The following RAB3C variants were observed in gnomAD, a reference collection of about 807,000 sequenced individuals.
The protein encoded by RAB3C is RAB3C, member RAS oncogene family.
Under a neutral mutation model 26.4 loss-of-function variants are expected in RAB3C, and 17 were observed. The observed-to-expected ratio is 0.64, with a 90% CI of 0.44 to 0.97. The LOEUF (loss-of-function observed/expected upper bound fraction) is 0.97. RAB3C is among the 50% of genes least tolerant of loss of function. The probability of loss-of-function intolerance (pLI) is 0.00; values close to 1 mark genes in which losing one functional copy is unlikely to be tolerated. For synonymous variants in RAB3C, 91 were observed against 95.9 expected (o/e 0.95, Z 0.30); for missense variants, 242 against 281.9 (o/e 0.86, Z 1.01).
At chr5:58,666,369 C>G (rs1336329878) in intron 2 of RAB3C, among the ~76,000 whole-genome samples, 1 of 152,114 alleles carries the variant, frequency 6.6e-6, no homozygotes, top group Non-Finnish European at 1.5e-5. Context: ...GAGTGGATAG[C>G]TTGAAGTGTT....
chr5:58,641,689 A>G (rs1747415766), intron 2 of RAB3C, among the ~76,000 whole-genome samples: 1 of 152,162 alleles, frequency 6.6e-6, no homozygotes, highest in Admixed American at 6.5e-5. Context: ...TCTGTTCCTC[A>G]GGGCTGCAGG....
chr5:58,659,194 A>T (rs1041791528), intron 2 of RAB3C, among the ~76,000 whole-genome samples: 8 of 152,270 alleles, frequency 5.3e-5, no homozygotes, highest in Non-Finnish European at 7.3e-5. Context: ...ACATATGCCC[A>T]TGCATGTGCA....
chr5:58,721,230 C>T lies in RAB3C; in HGVS notation c.253-4772C>T, dbSNP rs150717205. On this transcript the variant is annotated intron_variant, in intron 2 of 4. Coordinates refer to ENST00000282878, the MANE Select transcript of RAB3C (RefSeq NM_138453.4). ...TAGGAAATCAAAATATTTAAGCTAA[C>T]TGAAATAATTTTTTTTTCAAAAAAA... Among the ~76,000 whole-genome samples the T allele has an allele frequency of 3.2e-3, 428 of 133,256 alleles. 2 individuals carry two copies. The highest frequency in any genetic ancestry group is 0.011 in the African/African-American group (384 of 33,656). 87.4% of individuals were successfully genotyped at this position (133,256 alleles called of 152,430 possible). A position where few individuals can be genotyped will look rare whatever the true frequency, so the allele number is the denominator to read the frequency against.
intron 3 of RAB3C, among the ~76,000 whole-genome samples, chr5:58,806,052 T>C (rs955772325): frequency 6.6e-6 from 1 of 152,048 alleles, no homozygotes; most frequent in African/African-American, 2.4e-5. Flanking sequence ...GTGGAAAAAA[T>C]ATGTAAAAGA....
At chr5:58,827,976 C>A (rs552604884) in intron 4 of RAB3C, among the ~76,000 whole-genome samples, 2 of 152,274 alleles carry the variant, frequency 1.3e-5, no homozygotes, top group South Asian at 2.1e-4. Context: ...CACATCTTGG[C>A]AGATGGCTCG....
chr5:58,655,526 C>G (rs2111795134), intron 2 of RAB3C, among the ~76,000 whole-genome samples: 1 of 152,198 alleles, frequency 6.6e-6, no homozygotes, highest in African/African-American at 2.4e-5. Flanking sequence ...GTTAAGGGAA[C>G]TAAGAACTAG....
At chr5:58,695,573 T>C (rs1317251375) in intron 2 of RAB3C, among the ~76,000 whole-genome samples, 1 of 152,208 alleles carries the variant, frequency 6.6e-6, no homozygotes, top group Non-Finnish European at 1.5e-5. Flanking sequence ...TATTCTTCCA[T>C]TTGTTTGTGT....
chr5:58,695,893 T>C (rs1561292239), intron 2 of RAB3C, among the ~76,000 whole-genome samples: 1 of 152,230 alleles, frequency 6.6e-6, no homozygotes, highest in Non-Finnish European at 1.5e-5. Flanking sequence ...CTTCCTCATT[T>C]CCTAATTGAA....
rs899520384 is a variant in RAB3C, at chr5:58,853,153, T to C, written c.*1802T>C. 7 of 152,176 alleles carry C rather than the reference T, an allele frequency of 4.6e-5. No individual in the cohort carries two copies. The highest frequency in any genetic ancestry group is 4.6e-4 in the Admixed American group (7 of 15,284). The allele number at this position is 152,176 out of a possible 1,614,324, so 9.4% of individuals were successfully genotyped here. On this transcript the variant is annotated 3_prime_UTR_variant, in exon 5 of 5. Transcript: ENST00000282878. ...CATAGTAAAGACAAGAAAACATTAATGTTTTATTAGTTTTTAATGGGGCAA... is the reference window on the plus strand; with the variant it reads ...CATAGTAAAGACAAGAAAACATTAACGTTTTATTAGTTTTTAATGGGGCAA...
chr5:58,673,447 TACACACACACACACACAC>T (rs71604758), intron 2 of RAB3C, among the ~76,000 whole-genome samples: 2 of 145,934 alleles, frequency 1.4e-5, no homozygotes, highest in African/African-American at 2.5e-5. Flanking sequence ...GAACTAGTTA[TACACACACACACACACAC>T]ACACACACAC....
chr5:58,632,640 A>T (rs1579827820), intron 2 of RAB3C, among the ~76,000 whole-genome samples: 2 of 152,362 alleles, frequency 1.3e-5, no homozygotes, highest in East Asian at 3.9e-4. Flanking sequence ...CAAATATGGC[A>T]GCAGGCTGTA....
intron 3 of RAB3C, among the ~76,000 whole-genome samples, chr5:58,770,539 T>TA (rs1418879782): frequency 1.3e-5 from 2 of 152,188 alleles, no homozygotes; most frequent in African/African-American, 4.8e-5. Context: ...TAGTTTGGTC[T>TA]AATTTTTCCC....
At chr5:58,705,672 G>T (rs1406473557) in intron 2 of RAB3C, among the ~76,000 whole-genome samples, 1 of 151,982 alleles carries the variant, frequency 6.6e-6, no homozygotes, top group African/African-American at 2.4e-5. Context: ...TTTTTTTATT[G>T]AAAGGACTCC....
At chr5:58,727,978 G>T (rs564827127) in intron 3 of RAB3C, among the ~76,000 whole-genome samples, 5 of 151,878 alleles carry the variant, frequency 3.3e-5, no homozygotes, top group Non-Finnish European at 7.4e-5. Flanking sequence ...CTGAAGCCCA[G>T]CTTAAACTTT....
intron 2 of RAB3C, among the ~76,000 whole-genome samples, chr5:58,704,578 C>T (rs1287434015): frequency 1.3e-5 from 2 of 152,050 alleles, no homozygotes; most frequent in Non-Finnish European, 1.5e-5. Flanking sequence ...AAAAGAAATG[C>T]TATACAAATG....
At chr5:58,722,173 C>T (rs1579879237) in intron 2 of RAB3C, among the ~76,000 whole-genome samples, 1 of 151,776 alleles carries the variant, frequency 6.6e-6, no homozygotes, top group Non-Finnish European at 1.5e-5. Context: ...AAATGGGACA[C>T]CATCACTGGA....
intron 2 of RAB3C, among the ~76,000 whole-genome samples, chr5:58,692,864 T>C (rs552596878): frequency 2.6e-5 from 4 of 152,178 alleles, no homozygotes; most frequent in African/African-American, 7.2e-5. Flanking sequence ...TCCCAGCACT[T>C]TGGGAGGCCG....
At chr5:58,655,444 G>A (rs1052965616) in intron 2 of RAB3C, among the ~76,000 whole-genome samples, 7 of 152,154 alleles carry the variant, frequency 4.6e-5, no homozygotes, top group Non-Finnish European at 7.4e-5. Flanking sequence ...AACCGGAATC[G>A]CTCTTTGATT....
At chr5:58,653,221 A>G (rs1579839563) in intron 2 of RAB3C, among the ~76,000 whole-genome samples, 6 of 151,936 alleles carry the variant, frequency 3.9e-5, no homozygotes, top group Admixed American at 3.9e-4. Flanking sequence ...GAGAACATGC[A>G]GTGTTTGGTT....
Sources: gnomAD v4.1 joint callset for allele counts (sites outside exome capture counted in the v4.1 genomes callset) on GRCh38, gnomAD v4.1.1 for gene constraint, MANE v1.5 for transcripts, NCBI Gene and HGNC (gene_info 2026-07-23, HGNC 2026-07-21) for gene names.